Variants in TFR2 observed in about 807,000 individuals in gnomAD.
TFR2 encodes transferrin receptor protein 2.
Under a neutral mutation model 91.9 loss-of-function variants are expected in TFR2, and 64 were observed. The ratio of observed to expected loss-of-function variants is 0.70; its 90% confidence interval spans 0.57 to 0.86. TFR2 has a LOEUF of 0.86. TFR2 is among the 40% of genes least tolerant of loss of function. The pLI is 0.00. For synonymous variants in TFR2, 454 were observed against 459.6 expected (o/e 0.99, Z 0.15); for missense variants, 950 against 1,080.5 (o/e 0.88, Z 1.69).
rs1403882120 is a variant in TFR2, at chr7:100,628,108, G to A, written c.1502C>T (p.Ala501Val). The change falls in exon 12 of 18, where the codon GCC becomes GTC. Residue 501 changes from alanine to valine, a missense_variant. Transcript: ENST00000223051. ...EGYLSVLHLKAVVYVSLDNAV... is the reference protein window; with the variant it reads ...EGYLSVLHLKVVVYVSLDNAV... ...GTTGTCCAGGCTCACGTACACTACG[G>A]CTTTGAGGTGCAGCACGCTGAGGTA... The A allele has an allele frequency of 3.1e-6, 5 of 1,614,014 alleles. No homozygotes were observed. The highest frequency in any genetic ancestry group is 4.2e-6 in the Non-Finnish European group (5 of 1,180,016).
chr7:100,630,912 C>G lies in TFR2; in HGVS notation c.1247G>C (p.Cys416Ser). Residue 416 changes from cysteine (C) to serine (S), a missense_variant, in exon 9 of 18, where the codon TGC becomes TCC. Transcript: ENST00000223051. ...TSTPINNIFG[C>S]IEGRSEPDHY... ...ACCTGGCTCTGAGCGGCCTTCGATG[C>G]AGCCGAAGATGTTGTTGATGGGGGT... The G allele has an allele frequency of 6.2e-7, 1 of 1,613,090 alleles. No individual in the cohort carries two copies. Among genetic ancestry groups the G allele is most frequent in the Non-Finnish European group, 8.5e-7 (1 of 1,179,854 alleles).
intron 17 of TFR2, among the ~76,000 whole-genome samples, chr7:100,622,154 T>A (rs1480772579): frequency 6.6e-6 from 1 of 152,144 alleles, no homozygotes; most frequent in Non-Finnish European, 1.5e-5. Flanking sequence ...GCCTCCTGAG[T>A]AGTTGGGAGT....
chr7:100,629,136 C>T (rs142100905), intron 10 of TFR2, 117 bp downstream of exon 10: 76 of 1,346,324 alleles, frequency 5.6e-5, no homozygotes, highest in African/African-American at 8.6e-5. Context: ...ATGTGGATGC[C>T]GAGGTCCAAG....
At chr7:100,635,083 C>T (rs531663043) in intron 3 of TFR2, among the ~76,000 whole-genome samples, 1 of 151,624 alleles carries the variant, frequency 6.6e-6, no homozygotes, top group South Asian at 2.1e-4. Context: ...GGACCACAGG[C>T]GCCTACCACC....
At position 100,640,753 on chromosome 7, in the gene TFR2, A is replaced by G. The variant is rs748266828; in HGVS notation, c.406T>C (p.Tyr136His). Residue 136 changes from tyrosine to histidine, a missense_variant, in exon 3 of 18, where the codon TAC becomes CAC. Transcript: ENST00000223051. Reference sequence around the variant, plus strand: ...AACATGGCCTGGAGGTCGCTCCAGTAGAGTCTGCCCTGGTGGAAATCCAGG... The same window carrying G: ...AACATGGCCTGGAGGTCGCTCCAGTGGAGTCTGCCCTGGTGGAAATCCAGG... ...PDLDFHQGRL[Y>H]WSDLQAMFLQ... 1.9e-6 allele frequency: 3 copies of G among 1,614,066 alleles called. No homozygotes were observed. The highest frequency in any genetic ancestry group is 2.5e-6 in the Non-Finnish European group (3 of 1,179,988).
At chr7:100,623,639 C>T (rs535045160) in intron 17 of TFR2, among the ~76,000 whole-genome samples, 4 of 151,792 alleles carry the variant, frequency 2.6e-5, no homozygotes, top group South Asian at 2.1e-4. Context: ...AAAAATTAGT[C>T]GGGTGTGGTG....
intron 10 of TFR2, among the ~76,000 whole-genome samples, chr7:100,628,869 C>T (rs545109606): frequency 9.9e-5 from 15 of 151,384 alleles, no homozygotes; most frequent in Non-Finnish European, 1.8e-4. Context: ...CAGGTTCAAG[C>T]GATTCTCCTG....
At chr7:100,637,166 G>A (rs1489754228) in intron 3 of TFR2, among the ~76,000 whole-genome samples, 3 of 152,084 alleles carry the variant, frequency 2.0e-5, no homozygotes, top group East Asian at 1.9e-4. Flanking sequence ...TTGGGAGGCC[G>A]AGGTGGGTGG....
Position 100,633,094 on chromosome 7 carries a change from C to G in TFR2, c.756G>C (p.Arg252=). ...TGELVYAHYG[R]PEDLQDLRAR... is the part of the protein sequence containing the mutation. ...CCCGCAGGTCCTGCAGGTCTTCGGG[C>G]CGCCCGTAGTGGGCGTACACCAGCT... is the stretch of plus-strand genomic sequence containing the variant. The change falls in exon 6 of 18, where the codon CGG becomes CGC. Residue 252 remains arginine (R), a synonymous_variant. Transcript: ENST00000223051. 1 of 1,613,494 alleles carries G rather than the reference C, an allele frequency of 6.2e-7. No homozygotes were observed. Among genetic ancestry groups the G allele is most frequent in the Non-Finnish European group, 8.5e-7 (1 of 1,179,930 alleles).
intron 17 of TFR2, 37 bp from the exon 18 acceptor site, chr7:100,621,163 T>C (rs1037404509): frequency 1.4e-6 from 2 of 1,452,382 alleles, no homozygotes; most frequent in Non-Finnish European, 1.8e-6. Context: ...GGTTGGGGGC[T>C]CTGGCTCGGG....
chr7:100,630,828 T>G (rs1803409732), intron 9 of TFR2, 61 bp downstream of exon 9: 1 of 1,606,552 alleles, frequency 6.2e-7, no homozygotes, highest in Non-Finnish European at 8.5e-7. Flanking sequence ...TGCCAGGGTG[T>G]ATGGGCAGAA....
In TFR2 at chr7:100,632,159, T is replaced by C; in HGVS notation, c.889A>G (p.Ile297Val). Reference sequence around the variant, plus strand: ...GAGAAGTCCGCTGGCTCTGGGTATATGAGCACTCCTTGAGCCCCGAAGTCC... The same window carrying C: ...GAGAAGTCCGCTGGCTCTGGGTATACGAGCACTCCTTGAGCCCCGAAGTCC... The part of the protein sequence containing the change: ...AQDFGAQGVL[I>V]YPEPADFSQD... Residue 297 changes from isoleucine (I) to valine (V), a missense_variant, in exon 7 of 18, where the codon ATA (isoleucine) becomes GTA (valine). Transcript: ENST00000223051. The C allele has an allele frequency of 6.2e-7, 1 of 1,614,096 alleles. No homozygotes were observed. Among genetic ancestry groups the C allele is most frequent in the South Asian group, 1.1e-5 (1 of 91,080 alleles).
chr7:100,630,772 ACCACTCCTGTCC>A, intron 9 of TFR2, 105 bp downstream of exon 9: 1 of 1,448,754 alleles, frequency 6.9e-7, no homozygotes, highest in Admixed American at 1.9e-5. Flanking sequence ...TCCTCTGGGC[ACCACTCCTGTCC>A]CCTCTTGGGG....
At chr7:100,622,085 G>A (rs1803127427) in intron 17 of TFR2, among the ~76,000 whole-genome samples, 1 of 152,164 alleles carries the variant, frequency 6.6e-6, no homozygotes, top group Non-Finnish European at 1.5e-5. Flanking sequence ...GGAGTGCAGT[G>A]GTGCAATCAC....
In TFR2 at chr7:100,630,849, C is replaced by T. The variant is rs762643498; in HGVS notation, c.1270+40G>A. On this transcript the variant is annotated intron_variant, in intron 9 of 17. Transcript: ENST00000223051. Reference sequence around the variant, plus strand: ...GGTGTATGGGCAGAAATTCCCCCAGCCCACCACCAGCTGTGAGTGATACTG... The same window carrying T: ...GGTGTATGGGCAGAAATTCCCCCAGTCCACCACCAGCTGTGAGTGATACTG... The T allele has an allele frequency of 3.7e-6, 6 of 1,611,196 alleles. No individual in the cohort carries two copies. The African/African-American group carries it at 6.7e-5, about 18-fold the overall frequency.
chr7:100,637,068 C>T (rs984681118), intron 3 of TFR2, among the ~76,000 whole-genome samples: 2 of 152,132 alleles, frequency 1.3e-5, no homozygotes, highest in Admixed American at 1.3e-4. Flanking sequence ...GAGTTCGAAA[C>T]CAGCCTGGCC....
chr7:100,630,044 A>C, intron 9 of TFR2, among the ~76,000 whole-genome samples: 1 of 151,542 alleles, frequency 6.6e-6, no homozygotes, highest in East Asian at 2.0e-4. Context: ...GCACCCAGCC[A>C]ATTTCTCTTA....
At chr7:100,621,827 G>A (rs532461865) in intron 17 of TFR2, among the ~76,000 whole-genome samples, 22 of 152,220 alleles carry the variant, frequency 1.4e-4, no homozygotes, top group African/African-American at 2.6e-4. Context: ...AGACGGCCTT[G>A]CTCCTGACCT....
At chr7:100,629,135 C>A in intron 10 of TFR2, 118 bp downstream of exon 10, 2 of 1,336,378 alleles carry the variant, frequency 1.5e-6, no homozygotes, top group South Asian at 2.3e-5. Context: ...AATGTGGATG[C>A]CGAGGTCCAA....
Sources: allele counts gnomAD v4.1 joint callset (sites outside exome capture counted in the v4.1 genomes callset), GRCh38; gene constraint gnomAD v4.1.1; transcripts MANE v1.5; gene names NCBI Gene and HGNC (gene_info 2026-07-23, HGNC 2026-07-21).